CFAP299: variants seen among roughly 807,000 people sequenced by gnomAD.
CFAP299 encodes cilia and flagella associated protein 299.
CFAP299 carries 21 observed loss-of-function variants against 27.0 expected under a neutral mutation model. That is an observed-to-expected ratio of 0.78 (90% confidence interval 0.55 to 1.12). The LOEUF (loss-of-function observed/expected upper bound fraction) is 1.12. CFAP299 is among the 50% of genes most tolerant of loss of function. CFAP299 has a pLI of 0.00. For synonymous variants in CFAP299, 104 were observed against 98.1 expected, an observed-to-expected ratio of 1.06 and a Z score of -0.36; for missense variants, 310 against 276.6, an observed-to-expected ratio of 1.12 and a Z score of -0.86.
intron 3 of CFAP299, among the ~76,000 whole-genome samples, chr4:80,835,185 C>T (rs1193441171): frequency 2.0e-5 from 3 of 152,006 alleles, no homozygotes; most frequent in Non-Finnish European, 2.9e-5. Context: ...GGCTCGATCT[C>T]GGCTCCCAGG....
At chr4:80,450,519 T>C (rs2110096054) in intron 2 of CFAP299, among the ~76,000 whole-genome samples, 1 of 152,242 alleles carries the variant, frequency 6.6e-6, no homozygotes, top group African/African-American at 2.4e-5. Context: ...GGTAAAGGAA[T>C]ACCTGAAACA....
intron 5 of CFAP299, among the ~76,000 whole-genome samples, chr4:80,960,327 A>C (rs1448899131): frequency 6.6e-6 from 1 of 151,952 alleles, no homozygotes; most frequent in Non-Finnish European, 1.5e-5. Flanking sequence ...CATGAGCACA[A>C]AACCATTTTT....
In CFAP299 at chr4:80,870,072, C is replaced by T. The variant is rs11947742; in HGVS notation, c.413C>T (p.Thr138Met). ...GYIDYAHRLKTEDFEVYFTGK... is the reference protein window; with the variant it reads ...GYIDYAHRLKMEDFEVYFTGK... ...ATCGACTATGCCCACAGGCTAAAGA[C>T]GGAAGATTTTGAAGTCTACTTTACT... is the stretch of plus-strand genomic sequence containing the variant. The change falls in exon 4 of 6, where the codon ACG becomes ATG. Residue 138 changes from threonine (T) to methionine (M), a missense_variant. Thr to Met is a moderately conservative substitution (Grantham distance 81, BLOSUM62 -1). Transcript: ENST00000358105. 1,960 of 1,613,526 alleles carry T rather than the reference C, an allele frequency of 1.2e-3. 21 individuals carry two copies. In the African/African-American group the frequency reaches 0.021, roughly 18 times the overall value.
chr4:80,583,076 A>G lies in CFAP299; in HGVS notation c.243-17A>G, dbSNP rs1427908173. On this transcript the variant is annotated splice_polypyrimidine_tract_variant and intron_variant, in intron 2 of 5. Coordinates refer to ENST00000358105, the MANE Select transcript of CFAP299 (RefSeq NM_152770.3). ...TTGTTATCTAATATATTATAACTGA[A>G]GATCTGCCTTTTACAGGACGCTAAC... 4.5e-6 allele frequency: 7 copies of G among 1,546,112 alleles called. No individual in the cohort carries two copies. Among genetic ancestry groups the G allele is most frequent in the Non-Finnish European group, 6.2e-6 (7 of 1,128,346 alleles).
In CFAP299 at chr4:80,717,298, A is replaced by C. The variant is rs184719974; in HGVS notation, c.333+134115A>C. On this transcript the variant is annotated intron_variant, in intron 3 of 5. Coordinates refer to ENST00000358105, the MANE Select transcript of CFAP299 (RefSeq NM_152770.3). Reference sequence around the variant, plus strand: ...CCTTTGTAAGTGAGCATGTGTAAGCAGAAAACTGAAGGATGAGTTGAGTTT... The same window carrying C: ...CCTTTGTAAGTGAGCATGTGTAAGCCGAAAACTGAAGGATGAGTTGAGTTT... 3.9e-5 allele frequency among the ~76,000 whole-genome samples: 6 copies of C among 152,252 alleles called. No homozygotes were observed. In the East Asian group the frequency reaches 1.2e-3, roughly 29 times the overall value.
intron 3 of CFAP299, among the ~76,000 whole-genome samples, chr4:80,781,268 A>G (rs1201906946): frequency 2.0e-5 from 3 of 151,988 alleles, no homozygotes; most frequent in African/African-American, 7.2e-5. Context: ...GATCCTTAAG[A>G]CCTTAAAGTT....
intron 3 of CFAP299, among the ~76,000 whole-genome samples, chr4:80,733,747 T>A (rs1409677266): frequency 6.6e-6 from 1 of 152,140 alleles, no homozygotes; most frequent in African/African-American, 2.4e-5. Flanking sequence ...CTTATTTTAC[T>A]TAATATAATG....
intron 2 of CFAP299, among the ~76,000 whole-genome samples, chr4:80,390,837 GTATATA>G (rs1187547690): frequency 1.6e-5 from 2 of 121,604 alleles, no homozygotes; most frequent in East Asian, 4.8e-4. Context: ...ATGTATATAT[GTATATA>G]CACATATATG....
In CFAP299 at chr4:80,963,643, C is replaced by T; in HGVS notation, c.*31C>T. The T allele has an allele frequency of 6.9e-7, 1 of 1,447,884 alleles. No individual in the cohort carries two copies. The highest frequency in any genetic ancestry group is 9.6e-7 in the Non-Finnish European group (1 of 1,042,344). The allele number at this position is 1,447,884 out of a possible 1,614,324, so 89.7% of individuals were successfully genotyped here. The stretch of plus-strand genomic sequence containing the variant: ...AACATGTTAATTTCCTAATAATTTG[C>T]TAAATTTAAATAAATTCCGTAGACA... On this transcript the variant is annotated 3_prime_UTR_variant, in exon 6 of 6. Coordinates refer to ENST00000358105, the MANE Select transcript of CFAP299 (RefSeq NM_152770.3).
intron 3 of CFAP299, among the ~76,000 whole-genome samples, chr4:80,801,784 C>T (rs376542540): frequency 1.3e-5 from 2 of 152,204 alleles, no homozygotes; most frequent in East Asian, 3.9e-4. Flanking sequence ...CCATGCAAAA[C>T]GAGGCACCTT....
intron 3 of CFAP299, among the ~76,000 whole-genome samples, chr4:80,824,686 G>A (rs1729888643): frequency 6.6e-6 from 1 of 151,976 alleles, no homozygotes; most frequent in African/African-American, 2.4e-5. Flanking sequence ...GATGTGAGAG[G>A]ACCTTAAGTT....
chr4:80,488,530 G>T (rs1261474857), intron 2 of CFAP299, among the ~76,000 whole-genome samples: 1 of 148,144 alleles, frequency 6.8e-6, no homozygotes, highest in Non-Finnish European at 1.5e-5. Flanking sequence ...CTGGAGTGCA[G>T]TGGCATGATC....
intron 3 of CFAP299, among the ~76,000 whole-genome samples, chr4:80,799,387 T>C (rs1728118954): frequency 1.1e-5 from 1 of 92,788 alleles, no homozygotes; most frequent in African/African-American, 4.5e-5. Context: ...AATGTATTTA[T>C]ATAATATTTA....
chr4:80,562,689 A>G lies in CFAP299; in HGVS notation c.243-20404A>G, dbSNP rs1393260686. The stretch of plus-strand genomic sequence containing the variant: ...AATAATAATAATAATAATAATAATA[A>G]TAATAACAACAACAACATTGAATGT... On this transcript the variant is annotated intron_variant, in intron 2 of 5. Transcript: ENST00000358105. Among the ~76,000 whole-genome samples, 10 of 148,890 alleles carry G rather than the reference A, an allele frequency of 6.7e-5. No homozygotes were observed. In the East Asian group the frequency reaches 1.8e-3, roughly 26 times the overall value.
intron 3 of CFAP299, among the ~76,000 whole-genome samples, chr4:80,735,840 G>A (rs895905208): frequency 2.6e-5 from 4 of 152,084 alleles, no homozygotes; most frequent in East Asian, 1.9e-4. Flanking sequence ...CAGTTTGATA[G>A]TATTTTGTTG....
chr4:80,470,205 G>C (rs1199750996), intron 2 of CFAP299, among the ~76,000 whole-genome samples: 1 of 152,078 alleles, frequency 6.6e-6, no homozygotes, highest in Non-Finnish European at 1.5e-5. Context: ...CTTATGTTCA[G>C]ATCCCTCACA....
intron 2 of CFAP299, among the ~76,000 whole-genome samples, chr4:80,554,858 A>G (rs186578966): frequency 7.2e-5 from 11 of 152,300 alleles, no homozygotes; most frequent in African/African-American, 2.4e-4. Flanking sequence ...TTGTATCCCA[A>G]AACATTGCTG....
chr4:80,941,891 G>A (rs1258643483), intron 4 of CFAP299, among the ~76,000 whole-genome samples: 1 of 152,104 alleles, frequency 6.6e-6, no homozygotes, highest in Admixed American at 6.6e-5. Context: ...AGTCACTATT[G>A]TGAGGACAGT....
intron 3 of CFAP299, among the ~76,000 whole-genome samples, chr4:80,675,000 C>T (rs537612897): frequency 3.3e-5 from 5 of 151,236 alleles, no homozygotes; most frequent in African/African-American, 1.2e-4. Context: ...TTTGTTATTA[C>T]CGACCTTCTG....
Sources: allele counts gnomAD v4.1 joint callset (sites outside exome capture counted in the v4.1 genomes callset), GRCh38; gene constraint gnomAD v4.1.1; transcripts MANE v1.5; gene names NCBI Gene and HGNC (gene_info 2026-07-23, HGNC 2026-07-21).